The following KANK1 variants were observed in gnomAD, a reference collection of about 807,000 sequenced individuals.
KANK1 encodes KN motif and ankyrin repeat domain-containing protein 1.
Under a neutral mutation model 106.2 loss-of-function variants are expected in KANK1, and 109 were observed. The observed-to-expected ratio is 1.03, with a 90% CI of 0.88 to 1.20. The LOEUF is 1.20. Ranked by LOEUF, KANK1 falls within the 50% of genes most tolerant of loss-of-function variation. The pLI is 0.00. For missense variants in KANK1, 2,399 were observed against 1,710.7 expected, an observed-to-expected ratio of 1.40 and a Z score of -7.10; for synonymous variants, 873 against 652.2, an observed-to-expected ratio of 1.34 and a Z score of -5.16.
chr9:536,968 G>T (rs1480272147), intron 1 of KANK1, among the ~76,000 whole-genome samples: 1 of 152,164 alleles, frequency 6.6e-6, no homozygotes, highest in Admixed American at 6.5e-5. Flanking sequence ...TGCAGGTCAG[G>T]TGTGAGATGA....
At chr9:638,793 T>C (rs893685044) in intron 1 of KANK1, among the ~76,000 whole-genome samples, 2 of 152,210 alleles carry the variant, frequency 1.3e-5, no homozygotes, top group African/African-American at 4.8e-5. Flanking sequence ...ATGGAAATTT[T>C]CTCTTCTATC....
At chr9:555,533 G>A (rs1000780481) in intron 1 of KANK1, among the ~76,000 whole-genome samples, 9 of 152,340 alleles carry the variant, frequency 5.9e-5, no homozygotes, top group Non-Finnish European at 1.3e-4. Context: ...TGTATATGAT[G>A]GGGATTATCC....
intron 1 of KANK1, among the ~76,000 whole-genome samples, chr9:551,101 A>G (rs141855852): frequency 7.8e-4 from 118 of 152,094 alleles, no homozygotes; most frequent in Non-Finnish European, 1.5e-3. Flanking sequence ...TGGGGTGTCA[A>G]TTCATGGTTA....
rs1037537432 is a variant in KANK1 at position 712,925 on chromosome 9, G to C, written c.2159G>C (p.Gly720Ala). 13 of 1,614,040 alleles carry C rather than the reference G, an allele frequency of 8.1e-6. No homozygotes were observed. The highest frequency in any genetic ancestry group is 1.0e-5 in the Non-Finnish European group (12 of 1,180,056). ...GTGGAGACGCGGACAGTAGCTGTAG[G>C]AGAAGGCCGTGTCAAGGACATCAAC... ...QTVETRTVAV[G>A]EGRVKDINSS... The change falls in exon 3 of 12, where the codon GGA (glycine) becomes GCA (alanine). Residue 720 changes from glycine (G) to alanine (A), a missense_variant. By Grantham distance (60) the Gly-to-Ala change is moderately conservative. Coordinates refer to ENST00000382297, the MANE Select transcript of KANK1 (RefSeq NM_015158.5).
chr9:737,188 G>A (rs1834022858), intron 7 of KANK1, among the ~76,000 whole-genome samples: 1 of 152,134 alleles, frequency 6.6e-6, no homozygotes, highest in Non-Finnish European at 1.5e-5. Flanking sequence ...CTTTCAGTGT[G>A]ACAACTCCAG....
rs761140202 is a variant in KANK1 at position 731,310 on chromosome 9, C to T, written c.3005+44C>T. 5.2e-6 allele frequency: 6 copies of T among 1,151,502 alleles called. No homozygotes were observed. In the East Asian group the frequency reaches 1.2e-4, roughly 24 times the overall value. The allele number at this position is 1,151,502 out of a possible 1,614,324, so 71.3% of individuals were successfully genotyped here. Reference sequence around the variant, plus strand: ...TCTAGAGGCTAATGCTGTCAGTCTCCTTTACCTCCTGCCTAAGTCACATTT... The same window carrying T: ...TCTAGAGGCTAATGCTGTCAGTCTCTTTTACCTCCTGCCTAAGTCACATTT... On this transcript the variant is annotated intron_variant, in intron 5 of 11. Transcript: ENST00000382297.
chr9:570,279 T>G (rs554606945), intron 1 of KANK1, among the ~76,000 whole-genome samples: 71 of 152,218 alleles, frequency 4.7e-4, no homozygotes, highest in Non-Finnish European at 9.1e-4. Context: ...TTCGTCACAA[T>G]GAAAATTTGA....
chr9:514,496 C>T (rs1249757988), intron 1 of KANK1, among the ~76,000 whole-genome samples: 1 of 150,614 alleles, frequency 6.6e-6, no homozygotes, highest in African/African-American at 2.5e-5. Flanking sequence ...CCGAGGGTAT[C>T]CTTACTTCTA....
chr9:542,790 A>C (rs1389037799), intron 1 of KANK1, among the ~76,000 whole-genome samples: 1 of 152,338 alleles, frequency 6.6e-6, no homozygotes, highest in East Asian at 1.9e-4. Flanking sequence ...ATAGCCAGGC[A>C]CAGAAAGACA....
At chr9:720,298 C>T (rs1384490165) in intron 3 of KANK1, among the ~76,000 whole-genome samples, 1 of 152,192 alleles carries the variant, frequency 6.6e-6, no homozygotes. Context: ...GCATCTAGAC[C>T]AGAGTGCCAG....
chr9:742,482 C>G, intron 10 of KANK1, 77 bp downstream of exon 10: 1 of 1,117,574 alleles, frequency 8.9e-7, no homozygotes, highest in African/African-American at 1.6e-5. Context: ...GCCTTTTGGC[C>G]AGGAGCGACC....
At chr9:682,006 A>G (rs1375754426) in intron 2 of KANK1, among the ~76,000 whole-genome samples, 4 of 152,148 alleles carry the variant, frequency 2.6e-5, no homozygotes, top group Non-Finnish European at 5.9e-5. Context: ...TAGGCTGGGC[A>G]CGGTGGCTTA....
intron 1 of KANK1, among the ~76,000 whole-genome samples, chr9:577,733 G>A (rs1820959168): frequency 2.6e-5 from 4 of 152,270 alleles, no homozygotes; most frequent in Middle Eastern, 3.4e-3. Flanking sequence ...AATTCTGAGG[G>A]TAGGGCCCAG....
Position 736,999 on chromosome 9 carries a change from C to A in KANK1, c.3334-1286C>A, listed in dbSNP as rs113634414. 6.4e-3 allele frequency among the ~76,000 whole-genome samples: 973 copies of A among 152,312 alleles called. 9 individuals are homozygous for A. Among genetic ancestry groups the A allele is most frequent in the African/African-American group, 0.022 (934 of 41,548 alleles). On this transcript the variant is annotated intron_variant, in intron 7 of 11. Coordinates refer to ENST00000382297, the MANE Select transcript of KANK1 (RefSeq NM_015158.5). ...ATTGCCGAGCATGGTGTCATCCACA[C>A]ACACTGTGATGGGTACATCTTTTTA...
At chr9:733,863 A>T (rs960996936) in intron 6 of KANK1, 5 of 152,280 alleles carry the variant, frequency 3.3e-5, no homozygotes, top group African/African-American at 1.2e-4. Context: ...CCATAATGCC[A>T]ATACTTTGGG....
chr9:605,153 T>C (rs1320506640), intron 1 of KANK1, among the ~76,000 whole-genome samples: 3 of 151,200 alleles, frequency 2.0e-5, no homozygotes, highest in East Asian at 3.9e-4. Flanking sequence ...ATAGAAAAAT[T>C]AGCTGGGTGT....
rs1463958212 is a variant in KANK1 at position 731,168 on chromosome 9, C to T, written c.2907C>T (p.Asn969=). The change falls in exon 5 of 12, where the codon AAC becomes AAT. Residue 969 remains asparagine, a synonymous_variant. Coordinates refer to ENST00000382297, the MANE Select transcript of KANK1 (RefSeq NM_015158.5). Reference sequence around the variant, plus strand: ...TTGACTTTTTCACAGCATGTACAAACAATGAAAGTACACTGAAGTCCATCA... The same window carrying T: ...TTGACTTTTTCACAGCATGTACAAATAATGAAAGTACACTGAAGTCCATCA... The part of the protein sequence containing the change: ...QIAAGLYACT[N]NESTLKSIMK... 6.2e-7 allele frequency: 1 copy of T among 1,601,140 alleles called. No homozygotes were observed. The highest frequency in any genetic ancestry group is 2.2e-5 in the East Asian group (1 of 44,722).
intron 1 of KANK1, among the ~76,000 whole-genome samples, chr9:538,694 G>A (rs183599031): frequency 7.9e-5 from 12 of 152,202 alleles, no homozygotes; most frequent in African/African-American, 2.9e-4. Flanking sequence ...GAAGGAGTCA[G>A]AGTTGGGGTG....
intron 2 of KANK1, chr9:684,608 TC>T (rs1361194874): frequency 2.0e-6 from 2 of 984,056 alleles, no homozygotes; most frequent in Non-Finnish European, 2.4e-6. Flanking sequence ...ATTATGCACT[TC>T]CCCTCTTTCT....
Sources: allele counts gnomAD v4.1 joint callset (sites outside exome capture counted in the v4.1 genomes callset), GRCh38; gene constraint gnomAD v4.1.1; transcripts MANE v1.5; gene names NCBI Gene and HGNC (gene_info 2026-07-23, HGNC 2026-07-21).